Variants in GRIK4 observed in about 807,000 individuals in gnomAD.
The protein encoded by GRIK4 is glutamate receptor ionotropic, kainate 4.
In GRIK4, 40 loss-of-function variants were observed where a neutral mutation model predicts 104.9. That is an observed-to-expected ratio of 0.38 (90% CI 0.30 to 0.50). GRIK4 has a LOEUF of 0.50. GRIK4 is among the 20% of genes least tolerant of loss of function. The probability of loss-of-function intolerance (pLI) is 0.93; values close to 1 mark genes in which losing one functional copy is unlikely to be tolerated. For missense variants in GRIK4, 1,047 were observed against 1,308.1 expected, an observed-to-expected ratio of 0.80 and a Z score of 3.08; for synonymous variants, 485 against 524.9, an observed-to-expected ratio of 0.92 and a Z score of 1.04.
At chr11:120,935,583 T>C (rs1188078816) in intron 13 of GRIK4, among the ~76,000 whole-genome samples, 2 of 152,174 alleles carry the variant, frequency 1.3e-5, no homozygotes, top group East Asian at 3.8e-4. Context: ...AAGTAAATAT[T>C]GTATTTACTT....
intron 1 of GRIK4, among the ~76,000 whole-genome samples, chr11:120,647,359 G>T (rs1227006786): frequency 2.0e-5 from 3 of 152,156 alleles, no homozygotes; most frequent in East Asian, 1.9e-4. Context: ...GCCATCGGGC[G>T]CCCCTTGGTC....
rs1022692426 is a variant in GRIK4 at position 120,939,752 on chromosome 11, C to T, written c.1477-595C>T. ...ATCCCATCACTTTGGGAGGCCAGGG[C>T]GGGCAGATCACGGGGTCAGGAGTTT... On this transcript the variant is annotated intron_variant, in intron 13 of 20. Transcript: ENST00000527524. The surrounding 1 kb of genome is among the most constrained non-coding windows in gnomAD (Gnocchi z 5.6). Among the ~76,000 whole-genome samples the T allele has an allele frequency of 1.3e-5, 2 of 152,110 alleles. No homozygotes were observed. Among genetic ancestry groups the T allele is most frequent in the Non-Finnish European group, 2.9e-5 (2 of 68,020 alleles).
intron 1 of GRIK4, among the ~76,000 whole-genome samples, chr11:120,543,685 A>G (rs957591565): frequency 2.6e-5 from 4 of 152,242 alleles, no homozygotes; most frequent in Admixed American, 2.6e-4. Context: ...AGGATCTTGA[A>G]GAGATATCTA....
intron 8 of GRIK4, among the ~76,000 whole-genome samples, chr11:120,851,897 C>T (rs1003979843): frequency 6.6e-6 from 1 of 152,172 alleles, no homozygotes; most frequent in Non-Finnish European, 1.5e-5. Flanking sequence ...TCCTTGTACC[C>T]CTGGTGGGAT....
At position 120,905,822 on chromosome 11, in the gene GRIK4, G is replaced by C. The variant is rs913907221; in HGVS notation, c.1476+329G>C. 6.6e-6 allele frequency among the ~76,000 whole-genome samples: 1 copy of C among 152,112 alleles called. No individual in the cohort carries two copies. The highest frequency in any genetic ancestry group is 1.5e-5 in the Non-Finnish European group (1 of 68,032). On this transcript the variant is annotated intron_variant, in intron 13 of 20. Coordinates refer to ENST00000527524, the MANE Select transcript of GRIK4 (RefSeq NM_014619.5). This position sits in a 1 kb window ranked among gnomAD's most constrained non-coding sequence, Gnocchi z 5.1. ...GTTCTGATTATTTTGTGGCTCATTAGCACTCCCTAGCAGAGCTTGAACAGG... is the reference window on the plus strand; with the variant it reads ...GTTCTGATTATTTTGTGGCTCATTACCACTCCCTAGCAGAGCTTGAACAGG...
chr11:120,970,246 G>A (rs540769368), intron 19 of GRIK4, among the ~76,000 whole-genome samples: 4 of 152,300 alleles, frequency 2.6e-5, no homozygotes, highest in Admixed American at 1.3e-4. Context: ...GACGGAAGGC[G>A]TGTGGTGGTG....
chr11:120,848,232 C>T lies in GRIK4; in HGVS notation c.744+11388C>T, dbSNP rs12418922. Among the ~76,000 whole-genome samples, 1,461 of 152,242 alleles carry T rather than the reference C, an allele frequency of 9.6e-3. 8 individuals are homozygous for T. The highest frequency in any genetic ancestry group is 0.022 in the Admixed American group (341 of 15,294). On this transcript the variant is annotated intron_variant, in intron 8 of 20. Coordinates refer to ENST00000527524, the MANE Select transcript of GRIK4 (RefSeq NM_014619.5). ...ACTCTAAGATGCTATGTGCCATTGA[C>T]GAACTACATCCAGAGCTCCAGGAGA...
chr11:120,565,865 A>G (rs1417998103), intron 1 of GRIK4, among the ~76,000 whole-genome samples: 1 of 152,212 alleles, frequency 6.6e-6, no homozygotes, highest in African/African-American at 2.4e-5. Context: ...ATCTTTTCCT[A>G]TAGAGAGTGA....
intron 19 of GRIK4, among the ~76,000 whole-genome samples, chr11:120,970,412 G>A (rs544944189): frequency 1.8e-4 from 28 of 152,178 alleles, no homozygotes; most frequent in South Asian, 1.5e-3. Flanking sequence ...TTACTAGTCC[G>A]GGATTTCCTG....
chr11:120,690,746 C>T (rs1449475714), intron 3 of GRIK4, among the ~76,000 whole-genome samples: 1 of 152,224 alleles, frequency 6.6e-6, no homozygotes, highest in Admixed American at 6.5e-5. Context: ...TCCTTACCCT[C>T]CTCACCAGCC....
At chr11:120,687,115 A>G (rs142195574) in intron 3 of GRIK4, among the ~76,000 whole-genome samples, 143 of 152,338 alleles carry the variant, frequency 9.4e-4, no homozygotes, top group South Asian at 1.0e-3. Context: ...AAGAGATCTT[A>G]TGTGTGTTAT....
At chr11:120,682,086 G>A (rs1402601743) in intron 3 of GRIK4, among the ~76,000 whole-genome samples, 2 of 152,216 alleles carry the variant, frequency 1.3e-5, no homozygotes, top group African/African-American at 4.8e-5. Flanking sequence ...CTCCCTGGAG[G>A]TGGAGGGAGG....
intron 1 of GRIK4, among the ~76,000 whole-genome samples, chr11:120,597,643 A>G (rs1259730131): frequency 1.3e-5 from 2 of 152,196 alleles, no homozygotes; most frequent in East Asian, 1.9e-4. Flanking sequence ...GCATTCAGGG[A>G]TCCGTGGGGG....
chr11:120,716,131 G>A (rs1950828469), intron 3 of GRIK4, among the ~76,000 whole-genome samples: 1 of 152,086 alleles, frequency 6.6e-6, no homozygotes, highest in African/African-American at 2.4e-5. Context: ...TAAGGCTTCT[G>A]AACTGGGAGT....
chr11:120,522,866 GT>G (rs1414503189), intron 1 of GRIK4, among the ~76,000 whole-genome samples: 1 of 152,156 alleles, frequency 6.6e-6, no homozygotes, highest in Non-Finnish European at 1.5e-5. Flanking sequence ...GCTGAGGGTT[GT>G]CACACATCCG....
intron 3 of GRIK4, among the ~76,000 whole-genome samples, chr11:120,705,089 CTG>C (rs1259629189): frequency 1.3e-5 from 2 of 152,154 alleles, no homozygotes; most frequent in African/African-American, 2.4e-5. Flanking sequence ...GTTTTGATTA[CTG>C]TAGCTTTGTA....
At chr11:120,832,051 C>T (rs753792017) in intron 7 of GRIK4, 21 bp downstream of exon 7, 2 of 1,568,966 alleles carry the variant, frequency 1.3e-6, no homozygotes, top group African/African-American at 1.3e-5. Context: ...CCCTCTCTCC[C>T]CCACCCCCTG....
At chr11:120,668,648 A>G (rs758728122) in intron 3 of GRIK4, among the ~76,000 whole-genome samples, 5 of 152,102 alleles carry the variant, frequency 3.3e-5, no homozygotes, top group African/African-American at 4.8e-5. Flanking sequence ...GGCTTTTCAT[A>G]TGATTGAGGA....
chr11:120,871,766 A>C (rs1040897335), intron 9 of GRIK4: 15 of 456,142 alleles, frequency 3.3e-5, no homozygotes, highest in Non-Finnish European at 4.8e-5. Flanking sequence ...TAAAGCAAAG[A>C]AGCAAGGCAA....
Sources: gnomAD v4.1 joint callset for allele counts (sites outside exome capture counted in the v4.1 genomes callset) on GRCh38, gnomAD v4.1.1 for gene constraint, Gnocchi (gnomAD v3.1) non-coding constraint, MANE v1.5 for transcripts, NCBI Gene and HGNC (gene_info 2026-07-23, HGNC 2026-07-21) for gene names.